The following TSHZ3 variants were observed in gnomAD, a reference collection of about 807,000 sequenced individuals.
TSHZ3 encodes teashirt zinc finger homeobox 3, also known as teashirt homolog 3.
A neutral mutation model predicts 64.5 loss-of-function variants in TSHZ3; 10 were observed. The ratio of observed to expected loss-of-function variants is 0.16; its 90% confidence interval spans 0.10 to 0.26. TSHZ3 has a LOEUF of 0.26. Among genes scored for constraint, TSHZ3 ranks in the 10% least tolerant of loss-of-function variants. The pLI is 1.00. For synonymous variants in TSHZ3, 608 were observed against 593.1 expected (o/e 1.03, Z -0.36); for missense variants, 1,242 against 1,421.7 (o/e 0.87, Z 2.03).
At chr19:31,242,699 G>A (rs1178567543) in intron 2 of TSHZ3, among the ~76,000 whole-genome samples, 1 of 151,718 alleles carries the variant, frequency 6.6e-6, no homozygotes, top group East Asian at 1.9e-4. Context: ...CTGAGGTCTA[G>A]GAGAGATAAT....
rs185525544 is a variant in TSHZ3 at position 31,334,274 on chromosome 19, A to G, written c.40+14906T>C. On this transcript the variant is annotated intron_variant, in intron 1 of 1. Transcript: ENST00000240587. Reference sequence around the variant, plus strand: ...ACACCCATAGTATTTGCTAACTAATATATGTGAAAGAGCCATTTTACTACA... The same window carrying G: ...ACACCCATAGTATTTGCTAACTAATGTATGTGAAAGAGCCATTTTACTACA... Among the ~76,000 whole-genome samples, 115 of 152,300 alleles carry G rather than the reference A, an allele frequency of 7.6e-4. 2 individuals carry two copies. Among genetic ancestry groups the G allele is most frequent in the Admixed American group, 6.3e-3 (96 of 15,294 alleles).
chr19:31,337,471 G>A (rs939019453), intron 1 of TSHZ3, among the ~76,000 whole-genome samples: 2 of 152,146 alleles, frequency 1.3e-5, no homozygotes, highest in Admixed American at 1.3e-4. Flanking sequence ...ATTGGCACTT[G>A]TACTCCAATC....
At chr19:31,261,163 C>T (rs917481707) in intron 1 of TSHZ3, among the ~76,000 whole-genome samples, 6 of 152,274 alleles carry the variant, frequency 3.9e-5, no homozygotes, top group African/African-American at 9.6e-5. Flanking sequence ...CCACCCCTGG[C>T]GCCCTGTAGG....
At chr19:31,255,910 G>A (rs1975903634) in intron 1 of TSHZ3, among the ~76,000 whole-genome samples, 1 of 152,142 alleles carries the variant, frequency 6.6e-6, no homozygotes. Context: ...GCAGTCTTGG[G>A]AAGAAGCTCA....
chr19:31,223,365 CGTGTGTGTGTGTGTGTGT>C (rs10551485), intron 4 of TSHZ3, among the ~76,000 whole-genome samples: 1 of 142,404 alleles, frequency 7.0e-6, no homozygotes, highest in South Asian at 2.3e-4. Context: ...GTTCTTATAA[CGTGTGTGTGTGTGTGTGT>C]GTGTGTGTGT....
At chr19:31,253,571 A>G (rs1432540142) in intron 1 of TSHZ3, among the ~76,000 whole-genome samples, 1 of 152,178 alleles carries the variant, frequency 6.6e-6, no homozygotes, top group East Asian at 1.9e-4. Flanking sequence ...TATGTTGCCC[A>G]GGCAGGTCTC....
intron 1 of TSHZ3, among the ~76,000 whole-genome samples, chr19:31,269,003 C>T (rs1016216550): frequency 2.0e-5 from 3 of 152,102 alleles, no homozygotes; most frequent in African/African-American, 7.2e-5. Context: ...TCCCCAGTAA[C>T]CTCAGCTGCA....
At chr19:31,190,853 T>C (rs371640014) in intron 5 of TSHZ3, among the ~76,000 whole-genome samples, 2 of 149,972 alleles carry the variant, frequency 1.3e-5, no homozygotes, top group South Asian at 4.2e-4. Flanking sequence ...CTCAGCCAAG[T>C]AATAAAAGCT....
intron 5 of TSHZ3, among the ~76,000 whole-genome samples, chr19:31,180,685 A>G (rs1974698632): frequency 6.6e-6 from 1 of 152,224 alleles, no homozygotes; most frequent in African/African-American, 2.4e-5. Flanking sequence ...AAACATATTG[A>G]CGGGCATGTC....
intron 4 of TSHZ3, among the ~76,000 whole-genome samples, chr19:31,210,189 A>G (rs905964797): frequency 6.6e-6 from 1 of 152,076 alleles, no homozygotes; most frequent in African/African-American, 2.4e-5. Context: ...AGGTCCAGGG[A>G]CCAAAGGTGA....
intron 6 of TSHZ3, among the ~76,000 whole-genome samples, chr19:31,151,771 C>T (rs748911397): frequency 6.6e-6 from 1 of 152,114 alleles, no homozygotes; most frequent in Non-Finnish European, 1.5e-5. Flanking sequence ...GAGGGAAGAA[C>T]AAAAATACAC....
At chr19:31,194,631 A>G (rs1463640651) in intron 5 of TSHZ3, among the ~76,000 whole-genome samples, 2 of 152,156 alleles carry the variant, frequency 1.3e-5, no homozygotes, top group Non-Finnish European at 2.9e-5. Context: ...CTAAAGGCCT[A>G]TTTACAGCAT....
At chr19:31,303,715 A>G (rs1378519584) in intron 1 of TSHZ3, among the ~76,000 whole-genome samples, 3 of 152,224 alleles carry the variant, frequency 2.0e-5, no homozygotes, top group African/African-American at 7.2e-5. Context: ...AAAGCCCACA[A>G]GTGACAAAGG....
chr19:31,263,566 T>C (rs909042625), intron 1 of TSHZ3, among the ~76,000 whole-genome samples: 3 of 152,138 alleles, frequency 2.0e-5, no homozygotes, highest in East Asian at 1.9e-4. Context: ...GGGGGACTTA[T>C]TGGGGGAGGG....
intron 1 of TSHZ3, among the ~76,000 whole-genome samples, chr19:31,302,064 A>G (rs1976766555): frequency 6.6e-6 from 1 of 152,134 alleles, no homozygotes; most frequent in Non-Finnish European, 1.5e-5. Context: ...TCAGAAACGC[A>G]GGCAAAGGGG....
chr19:31,349,702 G>T (rs2021647766), upstream of TSHZ3, among the ~76,000 whole-genome samples: 1 of 147,556 alleles, frequency 6.8e-6, no homozygotes, highest in Non-Finnish European at 1.5e-5. Flanking sequence ...GCGCGGGAGC[G>T]GCCCGGACCG....
At chr19:31,166,069 C>T (rs557996954) in intron 5 of TSHZ3, among the ~76,000 whole-genome samples, 17 of 152,272 alleles carry the variant, frequency 1.1e-4, no homozygotes, top group African/African-American at 4.1e-4. Flanking sequence ...TTTATTACAG[C>T]GCCAGCAGCT....
chr19:31,273,294 C>T (rs1207943263), downstream of TSHZ3, among the ~76,000 whole-genome samples: 3 of 152,172 alleles, frequency 2.0e-5, no homozygotes, highest in Non-Finnish European at 4.4e-5. Flanking sequence ...AATTCATGGA[C>T]CCCCACGTAT....
chr19:31,203,608 C>T (rs951138770), intron 5 of TSHZ3, among the ~76,000 whole-genome samples: 2 of 151,988 alleles, frequency 1.3e-5, no homozygotes, highest in Admixed American at 6.5e-5. Flanking sequence ...ATCCAGCCCT[C>T]GGGACGGTCA....
Sources: gnomAD v4.1 joint callset for allele counts (sites outside exome capture counted in the v4.1 genomes callset) on GRCh38, gnomAD v4.1.1 for gene constraint, MANE v1.5 for transcripts, NCBI Gene and HGNC (gene_info 2026-07-23, HGNC 2026-07-21) for gene names.